The following CEP57 variants were observed in gnomAD, a reference collection of about 807,000 sequenced individuals.
CEP57 encodes the protein centrosomal protein of 57 kDa.
In CEP57, 40 loss-of-function variants were observed where a neutral mutation model predicts 68.0. The ratio of observed to expected loss-of-function variants is 0.59; its 90% CI spans 0.46 to 0.77. The LOEUF (loss-of-function observed/expected upper bound fraction) is 0.77. CEP57 is among the 30% of genes least tolerant of loss of function. The pLI, the probability that CEP57 is intolerant of heterozygous loss-of-function variation, is 0.00. For synonymous variants in CEP57, 219 were observed against 198.7 expected, an observed-to-expected ratio of 1.10 and a Z score of -0.86; for missense variants, 606 against 580.7, an observed-to-expected ratio of 1.04 and a Z score of -0.45.
Position 95,821,861 on chromosome 11 carries a change from T to G in CEP57, c.700-10T>G. On this transcript the variant is annotated splice_polypyrimidine_tract_variant and intron_variant, in intron 6 of 10. Transcript: ENST00000325542. ...CTACAGCATTAACTTGAGGCTCTCA[T>G]TTTTCCTAGTTGCAGACTGGTCTAG... 6.3e-7 allele frequency: 1 copy of G among 1,578,178 alleles called. No homozygotes were observed. The highest frequency in any genetic ancestry group is 8.7e-7 in the Non-Finnish European group (1 of 1,148,972).
At chr11:95,798,433 A>G (rs888820650) in intron 1 of CEP57, among the ~76,000 whole-genome samples, 1 of 152,346 alleles carries the variant, frequency 6.6e-6, no homozygotes. Flanking sequence ...TAAATCTTCA[A>G]AGGTAAGAAT....
intron 6 of CEP57, among the ~76,000 whole-genome samples, chr11:95,820,568 G>A (rs1382306385): frequency 1.6e-5 from 2 of 123,020 alleles, no homozygotes; most frequent in Non-Finnish European, 3.6e-5. Context: ...TTCCATCCTG[G>A]GCAACAAGAG....
At chr11:95,805,078 C>T (rs1252551559) in intron 2 of CEP57, among the ~76,000 whole-genome samples, 4 of 152,084 alleles carry the variant, frequency 2.6e-5, no homozygotes, top group Non-Finnish European at 4.4e-5. Flanking sequence ...CAGCCAGTTT[C>T]AATAATAAAT....
intron 7 of CEP57, 140 bp downstream of exon 7, chr11:95,822,118 ATAAG>A (rs1862542097): frequency 1.4e-6 from 1 of 700,668 alleles, no homozygotes; most frequent in East Asian, 2.7e-5. Context: ...GAAGGTGGAG[ATAAG>A]TAATACCTAC....
At chr11:95,793,416 T>TAA (rs33953938) in intron 1 of CEP57, among the ~76,000 whole-genome samples, 1 of 152,146 alleles carries the variant, frequency 6.6e-6, no homozygotes, top group Non-Finnish European at 1.5e-5. Flanking sequence ...CTCTGACTTT[T>TAA]GGTCCTTCGA....
intron 9 of CEP57, 134 bp downstream of exon 9, chr11:95,828,161 T>C: frequency 1.0e-6 from 1 of 978,668 alleles, no homozygotes; most frequent in Non-Finnish European, 1.5e-6. Flanking sequence ...ACCAACCAAG[T>C]TACTGGGACT....
At chr11:95,797,197 C>T (rs1432726554) in intron 1 of CEP57, among the ~76,000 whole-genome samples, 4 of 132,644 alleles carry the variant, frequency 3.0e-5, no homozygotes, top group African/African-American at 8.3e-5. Flanking sequence ...GACGGAGTCT[C>T]ACTCTCTTGC....
Position 95,828,155 on chromosome 11 carries a change from A to T in CEP57, c.1127+128A>T, listed in dbSNP as rs137966276. 87 of 1,055,184 alleles carry T rather than the reference A, an allele frequency of 8.2e-5. No individual in the cohort carries two copies. The African/African-American group carries it at 1.3e-3, about 15-fold the overall frequency. The allele number at this position is 1,055,184 out of a possible 1,614,324, so 65.4% of individuals were successfully genotyped here. On this transcript the variant is annotated intron_variant, in intron 9 of 10. Coordinates refer to ENST00000325542, the MANE Select transcript of CEP57 (RefSeq NM_014679.5). ...ATGGTTGAGCACAATCCTTATACCA[A>T]CCAAGTTACTGGGACTTTAACAAAT...
intron 6 of CEP57, among the ~76,000 whole-genome samples, chr11:95,819,585 C>T (rs1379530736): frequency 4.6e-5 from 7 of 152,146 alleles, no homozygotes; most frequent in African/African-American, 1.7e-4. Flanking sequence ...TCGTTATGAG[C>T]GTATTTGCTC....
At chr11:95,801,450 C>CAA (rs200265603) in intron 2 of CEP57, among the ~76,000 whole-genome samples, 2,767 of 66,662 alleles carry the variant, frequency 0.042, 59 homozygotes, top group South Asian at 0.1. Flanking sequence ...TTTTAAAAAG[C>CAA]AAAAAAAAAA....
At chr11:95,822,686 C>A (rs574160653) in intron 8 of CEP57, 110 bp downstream of exon 8, 2 of 1,015,610 alleles carry the variant, frequency 2.0e-6, no homozygotes, top group East Asian at 5.1e-5. Flanking sequence ...TGTGCCTTTA[C>A]CAGTGTGTGG....
At chr11:95,803,398 T>C (rs965438274) in intron 2 of CEP57, among the ~76,000 whole-genome samples, 11 of 152,100 alleles carry the variant, frequency 7.2e-5, no homozygotes, top group Non-Finnish European at 1.5e-4. Context: ...CCTATGAGTA[T>C]AGAGGGGTTT....
intron 2 of CEP57, among the ~76,000 whole-genome samples, chr11:95,803,892 C>T (rs1044316388): frequency 4.0e-5 from 6 of 151,890 alleles, no homozygotes; most frequent in African/African-American, 1.5e-4. Flanking sequence ...GATCAGTTAG[C>T]CAGATTTGTC....
rs372530656 is a variant in CEP57, at chr11:95,812,973, C to T, written c.244C>T (p.Arg82Cys). 2.5e-5 allele frequency: 40 copies of T among 1,613,890 alleles called. No homozygotes were observed. Among genetic ancestry groups the T allele is most frequent in the Middle Eastern group, 1.7e-4 (1 of 6,056 alleles). ...TAAGAATCTTCAAGATAAGATTCGACGCTTGGAACTTGAGAGGATTCAGGC... is the reference window on the plus strand; with the variant it reads ...TAAGAATCTTCAAGATAAGATTCGATGCTTGGAACTTGAGAGGATTCAGGC... ...ALKNLQDKIRRLELERIQAEE... is the reference protein window; with the variant it reads ...ALKNLQDKIRCLELERIQAEE... The change falls in exon 3 of 11, where the codon CGC becomes TGC. Residue 82 changes from arginine to cysteine, a missense_variant. By Grantham distance (180) the Arg-to-Cys change is radical (BLOSUM62 -3). Coordinates refer to ENST00000325542, the MANE Select transcript of CEP57 (RefSeq NM_014679.5).
At chr11:95,808,135 A>G (rs1702175259) in intron 2 of CEP57, among the ~76,000 whole-genome samples, 1 of 152,206 alleles carries the variant, frequency 6.6e-6, no homozygotes, top group Admixed American at 6.5e-5. Flanking sequence ...TAAGTGAAGG[A>G]GAAATAAAAT....
chr11:95,817,927 G>C, intron 5 of CEP57, 24 bp downstream of exon 5: 1 of 1,398,214 alleles, frequency 7.2e-7, no homozygotes. Flanking sequence ...TCTTTTTATT[G>C]TTAACATATA....
At chr11:95,791,008 T>A (rs1338166066) in intron 1 of CEP57, among the ~76,000 whole-genome samples, 1 of 152,200 alleles carries the variant, frequency 6.6e-6, no homozygotes, top group African/African-American at 2.4e-5. Flanking sequence ...CCCGGTTGCC[T>A]AACATTCCCA....
chr11:95,814,936 C>T (rs1266543998), intron 4 of CEP57, among the ~76,000 whole-genome samples: 3 of 152,150 alleles, frequency 2.0e-5, no homozygotes, highest in Non-Finnish European at 2.9e-5. Context: ...AACCTACACC[C>T]AATCTCATAT....
intron 8 of CEP57, chr11:95,823,256 C>T (rs774913577): frequency 2.0e-5 from 3 of 152,204 alleles, no homozygotes; most frequent in Non-Finnish European, 4.4e-5. Context: ...CTAGTAAATT[C>T]GCAGTGAAAT....
Sources: gnomAD v4.1 joint callset for allele counts (sites outside exome capture counted in the v4.1 genomes callset) on GRCh38, gnomAD v4.1.1 for gene constraint, MANE v1.5 for transcripts, NCBI Gene and HGNC (gene_info 2026-07-23, HGNC 2026-07-21) for gene names.